Variants in GAB4 observed in about 807,000 individuals in gnomAD.
GAB4 encodes GRB2-associated-binding protein 4.
A neutral mutation model predicts 51.3 loss-of-function variants in GAB4; 26 were observed. The observed-to-expected ratio is 0.51, with a 90% CI of 0.37 to 0.70. The LOEUF (loss-of-function observed/expected upper bound fraction) is 0.70, where lower values mean the gene tolerates loss of function less well. Among genes scored for constraint, GAB4 ranks in the 30% least tolerant of loss-of-function variants. The pLI is 0.00. For missense variants in GAB4, 759 were observed against 734.6 expected (o/e 1.03, Z -0.38); for synonymous variants, 329 against 291.2 (o/e 1.13, Z -1.32).
At chr22:16,998,300 T>A (rs1452173336) in intron 1 of GAB4, among the ~76,000 whole-genome samples, 5 of 152,356 alleles carry the variant, frequency 3.3e-5, no homozygotes, top group Non-Finnish European at 5.9e-5. Flanking sequence ...TTCCATTTGT[T>A]TGTGTCCTCT....
intron 1 of GAB4, among the ~76,000 whole-genome samples, chr22:16,995,601 C>T (rs930068408): frequency 1.3e-5 from 2 of 152,194 alleles, no homozygotes; most frequent in African/African-American, 4.8e-5. Context: ...TGGGATGACG[C>T]TTCCAGAGGA....
chr22:16,982,439 A>T (rs1053462931), intron 3 of GAB4, among the ~76,000 whole-genome samples: 3 of 152,226 alleles, frequency 2.0e-5, no homozygotes, highest in African/African-American at 7.2e-5. Context: ...AGCTACAAAA[A>T]ATACTTACAA....
chr22:16,969,602 C>T, intron 4 of GAB4: 2 of 587,222 alleles, frequency 3.4e-6, no homozygotes, highest in Middle Eastern at 4.3e-4. Flanking sequence ...TCAGTGAGGG[C>T]TCATACTGAC....
chr22:16,986,319 T>C (rs2060867132), intron 3 of GAB4, among the ~76,000 whole-genome samples: 1 of 152,172 alleles, frequency 6.6e-6, no homozygotes, highest in African/African-American at 2.4e-5. Flanking sequence ...CATGTGAAAG[T>C]ATGAAGGGCA....
At chr22:16,966,490 G>T (rs2060676667) in intron 5 of GAB4, 126 bp from the exon 6 acceptor site, 5 of 912,588 alleles carry the variant, frequency 5.5e-6, no homozygotes, top group Admixed American at 2.9e-5. Flanking sequence ...GATCACCTTG[G>T]CTGGGGGCTG....
intron 4 of GAB4, among the ~76,000 whole-genome samples, chr22:16,969,174 CAA>C (rs1024749800): frequency 6.6e-6 from 1 of 152,198 alleles, no homozygotes; most frequent in African/African-American, 2.4e-5. Flanking sequence ...AGGCTTCAAA[CAA>C]AGAGACCCAA....
At chr22:16,965,399 C>A (rs148620481) in intron 6 of GAB4, 131 bp from the exon 7 acceptor site, 140 of 694,328 alleles carry the variant, frequency 2.0e-4, no homozygotes, top group African/African-American at 2.0e-3. Context: ...GTGCGGGGGA[C>A]TGAGGCTTGG....
chr22:16,981,128 CA>C (rs912297912), intron 3 of GAB4, among the ~76,000 whole-genome samples: 40 of 151,552 alleles, frequency 2.6e-4, no homozygotes, highest in Non-Finnish European at 4.4e-4. Flanking sequence ...GCACGTTCTG[CA>C]CATGTATCCC....
intron 3 of GAB4, among the ~76,000 whole-genome samples, chr22:16,971,264 C>G (rs972182275): frequency 2.0e-5 from 3 of 152,194 alleles, no homozygotes; most frequent in Non-Finnish European, 4.4e-5. Flanking sequence ...AAAAGAGAAT[C>G]AATGAATGAG....
At chr22:17,007,269 G>C (rs1397106768) in intron 1 of GAB4, among the ~76,000 whole-genome samples, 1 of 152,222 alleles carries the variant, frequency 6.6e-6, no homozygotes, top group Non-Finnish European at 1.5e-5. Flanking sequence ...TTAGCCACTA[G>C]GGGAAAGGGC....
chr22:16,963,609 C>T (rs1416192989), intron 9 of GAB4, 116 bp downstream of exon 9: 1 of 732,724 alleles, frequency 1.4e-6, no homozygotes, highest in Middle Eastern at 3.7e-4. Context: ...GAGCCAGGCA[C>T]TGGGCTGGGA....
At chr22:16,973,457 A>C (rs1445242202) in intron 3 of GAB4, among the ~76,000 whole-genome samples, 1 of 151,812 alleles carries the variant, frequency 6.6e-6, no homozygotes, top group African/African-American at 2.4e-5. Flanking sequence ...CTTAAACCCC[A>C]CTTTCTTATG....
At chr22:17,001,233 T>C (rs2060995119) in intron 1 of GAB4, among the ~76,000 whole-genome samples, 1 of 152,222 alleles carries the variant, frequency 6.6e-6, no homozygotes, top group Non-Finnish European at 1.5e-5. Flanking sequence ...CTGCAGAGTG[T>C]TTTCCAACTT....
chr22:17,001,212 T>C (rs550113836), intron 1 of GAB4, among the ~76,000 whole-genome samples: 1 of 152,392 alleles, frequency 6.6e-6, no homozygotes, highest in South Asian at 2.1e-4. Flanking sequence ...GAAATTCTCC[T>C]GGATAATATC....
intron 3 of GAB4, among the ~76,000 whole-genome samples, chr22:16,976,357 G>T (rs976708027): frequency 3.9e-5 from 6 of 152,166 alleles, no homozygotes; most frequent in African/African-American, 1.4e-4. Flanking sequence ...CACAGCATGA[G>T]AACTTCATGA....
chr22:16,972,065 T>C (rs938449998), intron 3 of GAB4, among the ~76,000 whole-genome samples: 4 of 152,236 alleles, frequency 2.6e-5, no homozygotes, highest in African/African-American at 9.6e-5. Context: ...TCACTTGGTC[T>C]TTTGGAGTTT....
chr22:16,963,524 G>A (rs1240700599), intron 9 of GAB4, among the ~76,000 whole-genome samples: 1 of 152,154 alleles, frequency 6.6e-6, no homozygotes, highest in Non-Finnish European at 1.5e-5. Context: ...AGTCGGGGCA[G>A]GCTGATGAAG....
At chr22:16,988,191 G>T in intron 2 of GAB4, 24 bp from the exon 3 acceptor site, 1 of 1,552,234 alleles carries the variant, frequency 6.4e-7, no homozygotes, top group South Asian at 1.1e-5. Flanking sequence ...AGGAAGGAAG[G>T]GCATCCTTGT....
chr22:16,964,130 T>C (rs1413771975), intron 8 of GAB4, among the ~76,000 whole-genome samples: 3 of 152,122 alleles, frequency 2.0e-5, no homozygotes, highest in Non-Finnish European at 4.4e-5. Flanking sequence ...AGATCGGCAG[T>C]GCCCACCACC....
Sources: allele counts gnomAD v4.1 joint callset (sites outside exome capture counted in the v4.1 genomes callset), GRCh38; gene constraint gnomAD v4.1.1; transcripts MANE v1.5; gene names NCBI Gene and HGNC (gene_info 2026-07-23, HGNC 2026-07-21).